Variants in GRID2 observed in about 807,000 individuals in gnomAD.
GRID2 encodes the protein glutamate ionotropic receptor delta type subunit 2, also known as glutamate receptor ionotropic, delta-2.
In GRID2, 33 loss-of-function variants were observed where a neutral mutation model predicts 114.8. The observed-to-expected ratio is 0.29, with a 90% CI of 0.22 to 0.38. GRID2 has a LOEUF of 0.38. Among genes scored for constraint, GRID2 ranks in the 10% least tolerant of loss-of-function variants. The probability of loss-of-function intolerance (pLI) is 1.00; values close to 1 mark genes in which losing one functional copy is unlikely to be tolerated. For synonymous variants in GRID2, 505 were observed against 449.9 expected (o/e 1.12, Z -1.55); for missense variants, 1,184 against 1,257.7 (o/e 0.94, Z 0.89).
At chr4:92,538,494 C>T (rs1418706517) in intron 1 of GRID2, among the ~76,000 whole-genome samples, 1 of 152,078 alleles carries the variant, frequency 6.6e-6, no homozygotes, top group African/African-American at 2.4e-5. Context: ...CCTATTGAGT[C>T]TCATGAGAAA....
chr4:93,772,434 A>G lies in GRID2; in HGVS notation c.2960A>G (p.Tyr987Cys). Reference protein sequence around the residue: ...SPIKTMSSIPYQPTPTLGLNL... With the variant: ...SPIKTMSSIPCQPTPTLGLNL... ...ATAAAAACAATGTCATCTATTCCTT[A>G]TCAACCAACTCCTACCCTGGGGCTC... The change falls in exon 16 of 16, where the codon TAT (tyrosine) becomes TGT (cysteine). Residue 987 changes from tyrosine (Y) to cysteine (C), a missense_variant. Physicochemically the swap from Tyr to Cys is radical, Grantham distance 194 (BLOSUM62 -2). Around this residue, in one of 3 missense-constraint regions of GRID2, gnomAD observed 717 missense variants for 796.9 expected, o/e 0.90. Coordinates refer to ENST00000282020, the MANE Select transcript of GRID2 (RefSeq NM_001510.4). The G allele has an allele frequency of 6.2e-7, 1 of 1,613,590 alleles. No individual in the cohort carries two copies. Among genetic ancestry groups the G allele is most frequent in the Non-Finnish European group, 8.5e-7 (1 of 1,179,714 alleles).
intron 1 of GRID2, among the ~76,000 whole-genome samples, chr4:92,484,162 C>T (rs1429984591): frequency 6.6e-6 from 1 of 152,078 alleles, no homozygotes; most frequent in Non-Finnish European, 1.5e-5. Context: ...ACAATAGTTG[C>T]TATACCTAAT....
chr4:92,662,857 C>T (rs1002858078), intron 2 of GRID2, among the ~76,000 whole-genome samples: 1 of 150,926 alleles, frequency 6.6e-6, no homozygotes, highest in African/African-American at 2.4e-5. Context: ...AGAATGTATA[C>T]TATATTATTT....
intron 1 of GRID2, among the ~76,000 whole-genome samples, chr4:92,524,992 A>C (rs1724974751): frequency 6.6e-6 from 1 of 152,020 alleles, no homozygotes; most frequent in African/African-American, 2.4e-5. Flanking sequence ...TTCATGGAAG[A>C]ATAGGAATAC....
At chr4:93,286,695 GTGTGTGT>G (rs1561087079) in intron 8 of GRID2, among the ~76,000 whole-genome samples, 2 of 137,238 alleles carry the variant, frequency 1.5e-5, no homozygotes, top group Non-Finnish European at 1.5e-5. Flanking sequence ...GTGTGTGGGG[GTGTGTGT>G]GTGTGTGTGT....
chr4:93,777,125 C>A (rs1734385193), downstream of GRID2, among the ~76,000 whole-genome samples: 1 of 152,166 alleles, frequency 6.6e-6, no homozygotes, highest in South Asian at 2.1e-4. Context: ...ATGATAGCCT[C>A]CAACCCACAC....
At chr4:92,715,508 G>T (rs185948351) in intron 2 of GRID2, among the ~76,000 whole-genome samples, 20 of 152,042 alleles carry the variant, frequency 1.3e-4, no homozygotes, top group African/African-American at 4.6e-4. Context: ...TTTTTACACT[G>T]CTGATAAAGA....
At chr4:93,202,841 C>T (rs1742252662) in intron 4 of GRID2, among the ~76,000 whole-genome samples, 1 of 152,060 alleles carries the variant, frequency 6.6e-6, no homozygotes, top group Admixed American at 6.6e-5. Context: ...ACAATATTAT[C>T]ACTGCTTTTT....
At chr4:92,580,416 C>A (rs1728125959) in intron 1 of GRID2, among the ~76,000 whole-genome samples, 1 of 151,702 alleles carries the variant, frequency 6.6e-6, no homozygotes, top group African/African-American at 2.4e-5. Flanking sequence ...ATTTTCCTAC[C>A]TGAAATATTC....
rs559750285 is a variant in GRID2 at position 92,802,671 on chromosome 4, G to T, written c.244+212385G>T. ...ACAATAAGGTGCCAGTATATATTTG[G>T]ATCTATTTGTGGGCTCCCTATTGTG... On this transcript the variant is annotated intron_variant, in intron 2 of 15. Transcript: ENST00000282020. Among the ~76,000 whole-genome samples, 273 of 151,960 alleles carry T rather than the reference G, an allele frequency of 1.8e-3. 1 individual carries two copies. The highest frequency in any genetic ancestry group is 6.0e-3 in the African/African-American group (251 of 41,516).
chr4:92,938,376 C>A (rs144980847), intron 2 of GRID2, among the ~76,000 whole-genome samples: 2 of 146,216 alleles, frequency 1.4e-5, no homozygotes, highest in Non-Finnish European at 3.0e-5. Context: ...TATTATAAAC[C>A]ATCTTTCTTT....
Position 92,331,326 on chromosome 4 carries a change from T to G in GRID2, c.88+26582T>G, listed in dbSNP as rs143946600. On this transcript the variant is annotated intron_variant, in intron 1 of 15. Coordinates refer to ENST00000282020, the MANE Select transcript of GRID2 (RefSeq NM_001510.4). ...GATAAGCAGTCTGAAATTTAGACAT[T>G]AGAGGTGAAATTCAGGTTACGGCAC... Among the ~76,000 whole-genome samples the G allele has an allele frequency of 7.8e-4, 119 of 152,230 alleles. 2 individuals carry two copies. The South Asian group carries it at 0.012, about 16-fold the overall frequency.
chr4:92,538,682 A>T (rs939802479), intron 1 of GRID2, among the ~76,000 whole-genome samples: 1 of 152,210 alleles, frequency 6.6e-6, no homozygotes, highest in Non-Finnish European at 1.5e-5. Flanking sequence ...ACACTTGTCT[A>T]TTACTGCATT....
chr4:93,229,108 C>A (rs1745822060), intron 7 of GRID2, among the ~76,000 whole-genome samples: 2 of 151,902 alleles, frequency 1.3e-5, no homozygotes, highest in Non-Finnish European at 1.5e-5. Flanking sequence ...TACAAATGTT[C>A]AATTTTATAT....
chr4:92,879,898 C>T (rs551452299), intron 2 of GRID2, among the ~76,000 whole-genome samples: 12 of 152,034 alleles, frequency 7.9e-5, no homozygotes, highest in Non-Finnish European at 1.5e-4. Context: ...CATAGTGCTC[C>T]GAATTAATGA....
At chr4:93,491,996 C>T (rs535797283) in intron 12 of GRID2, among the ~76,000 whole-genome samples, 3 of 151,848 alleles carry the variant, frequency 2.0e-5, no homozygotes, top group Admixed American at 1.3e-4. Flanking sequence ...TCCAATTATT[C>T]CTTTGATACA....
intron 4 of GRID2, among the ~76,000 whole-genome samples, chr4:93,196,891 CAT>C (rs1325906673): frequency 6.6e-6 from 1 of 152,100 alleles, no homozygotes; most frequent in Non-Finnish European, 1.5e-5. Context: ...TCTGGTTAAA[CAT>C]CAGGAATATA....
intron 13 of GRID2, among the ~76,000 whole-genome samples, chr4:93,552,051 C>T (rs1329490349): frequency 1.4e-5 from 2 of 143,866 alleles, no homozygotes; most frequent in Non-Finnish European, 3.0e-5. Context: ...CACAACAGGC[C>T]CCAGTGTGTG....
chr4:92,603,028 C>T (rs1292874720), intron 2 of GRID2, among the ~76,000 whole-genome samples: 3 of 152,028 alleles, frequency 2.0e-5, no homozygotes, highest in Non-Finnish European at 4.4e-5. Context: ...GAACTACAAA[C>T]CACTGCTCAA....
Sources: gnomAD v4.1 joint callset for allele counts (sites outside exome capture counted in the v4.1 genomes callset) on GRCh38, gnomAD v4.1.1 for gene constraint, gnomAD v4.1.1 regional missense constraint, MANE v1.5 for transcripts, NCBI Gene and HGNC (gene_info 2026-07-23, HGNC 2026-07-21) for gene names.